The following KCTD20 variants were observed in gnomAD, a reference collection of about 807,000 sequenced individuals.
KCTD20 encodes BTB/POZ domain-containing protein KCTD20.
KCTD20 carries 30 observed loss-of-function variants against 39.6 expected under a neutral mutation model. The ratio of observed to expected loss-of-function variants is 0.76; its 90% CI spans 0.57 to 1.03. The LOEUF (loss-of-function observed/expected upper bound fraction) is 1.03, where lower values mean the gene tolerates loss of function less well. Among genes scored for constraint, KCTD20 ranks in the 50% least tolerant of loss-of-function variants. The pLI, the probability that KCTD20 is intolerant of heterozygous loss-of-function variation, is 0.00. For missense variants in KCTD20, 422 were observed against 522.0 expected (o/e 0.81, Z 1.87); for synonymous variants, 162 against 180.6 (o/e 0.90, Z 0.83).
rs1302255255 is a variant in KCTD20, at chr6:36,448,023, A to G, written c.-47+4912A>G. Among the ~76,000 whole-genome samples, 42 of 145,380 alleles carry G rather than the reference A, an allele frequency of 2.9e-4. 1 individual carries two copies. Among genetic ancestry groups the G allele is most frequent in the African/African-American group, 1.0e-3 (40 of 38,382 alleles). On this transcript the variant is annotated intron_variant, in intron 1 of 7. Coordinates refer to ENST00000373731, the MANE Select transcript of KCTD20 (RefSeq NM_173562.5). ...TATGTGTATGTGTGTGTGTATATAT[A>G]TATATATATATATATATTTGAAATA...
At chr6:36,471,291 C>T (rs566304554) in intron 2 of KCTD20, among the ~76,000 whole-genome samples, 1 of 152,214 alleles carries the variant, frequency 6.6e-6, no homozygotes, top group Admixed American at 6.5e-5. Flanking sequence ...TACCATTTAT[C>T]GAACATTCAC....
At chr6:36,453,554 G>C (rs1582308746) in intron 1 of KCTD20, among the ~76,000 whole-genome samples, 1 of 126,228 alleles carries the variant, frequency 7.9e-6, no homozygotes, top group Non-Finnish European at 1.6e-5. Flanking sequence ...TGCTCTTGTT[G>C]CCCAGGCTGA....
At chr6:36,473,622 A>T (rs1775976607) in intron 2 of KCTD20, among the ~76,000 whole-genome samples, 1 of 151,804 alleles carries the variant, frequency 6.6e-6, no homozygotes. Flanking sequence ...AAATACAAAA[A>T]ATTAGCCAGG....
intron 1 of KCTD20, among the ~76,000 whole-genome samples, chr6:36,465,291 C>T (rs1394996667): frequency 4.5e-5 from 6 of 133,412 alleles, no homozygotes; most frequent in East Asian, 2.2e-4. Flanking sequence ...GGTGAGATTC[C>T]GTCTCAAAAA....
intron 6 of KCTD20, among the ~76,000 whole-genome samples, chr6:36,483,490 G>T (rs1033858086): frequency 2.0e-5 from 3 of 152,000 alleles, no homozygotes; most frequent in Non-Finnish European, 2.9e-5. Context: ...GGGATTGCAG[G>T]CACCATGGCT....
chr6:36,447,194 C>A (rs955463984), intron 1 of KCTD20, among the ~76,000 whole-genome samples: 1 of 152,168 alleles, frequency 6.6e-6, no homozygotes, highest in African/African-American at 2.4e-5. Context: ...AGTACTTTAT[C>A]AGTTTCTGTC....
chr6:36,483,031 A>T (rs1180439509), intron 6 of KCTD20, among the ~76,000 whole-genome samples: 4 of 151,160 alleles, frequency 2.6e-5, no homozygotes, highest in Non-Finnish European at 5.9e-5. Context: ...AGGCAGGAGA[A>T]TCATTTGAAC....
chr6:36,449,935 C>T (rs906324271), intron 1 of KCTD20, among the ~76,000 whole-genome samples: 26 of 151,998 alleles, frequency 1.7e-4, no homozygotes, highest in Non-Finnish European at 3.2e-4. Context: ...GAGGCTGAGG[C>T]GGGCGGATCA....
At position 36,470,912 on chromosome 6, in the gene KCTD20, G is replaced by C. The variant is rs11962933; in HGVS notation, c.160+655G>C. Among the ~76,000 whole-genome samples the C allele has an allele frequency of 2.9e-3, 442 of 152,302 alleles. 2 individuals are homozygous for C. The highest frequency in any genetic ancestry group is 0.01 in the African/African-American group (423 of 41,570). On this transcript the variant is annotated intron_variant, in intron 2 of 7. Transcript: ENST00000373731. ...CGCCTATAATCCCAGCACTTTGGGA[G>C]GCCAAAGCAGGTGGATCACTTGAGG...
At chr6:36,465,125 G>A (rs567356502) in intron 1 of KCTD20, among the ~76,000 whole-genome samples, 133 of 152,070 alleles carry the variant, frequency 8.7e-4, no homozygotes, top group African/African-American at 3.1e-3. Context: ...ATGAAACCCC[G>A]TCTGCACTAA....
rs374156543 is a variant in KCTD20, at chr6:36,487,126, G to A, written c.1211G>A (p.Arg404Gln). ...CCACCCCAAGTGGATGAACTTGACCGGCTAAATGCCCCACTTTCTCAGATG... is the reference window on the plus strand; with the variant it reads ...CCACCCCAAGTGGATGAACTTGACCAGCTAAATGCCCCACTTTCTCAGATG... Reference protein sequence around the residue: ...HHPPQVDELDRLNAPLSQMAS... With the variant: ...HHPPQVDELDQLNAPLSQMAS... The change falls in exon 8 of 8, where the codon CGG becomes CAG. Residue 404 changes from arginine to glutamine, a missense_variant. Coordinates refer to ENST00000373731, the MANE Select transcript of KCTD20 (RefSeq NM_173562.5). The A allele has an allele frequency of 3.2e-5, 51 of 1,613,926 alleles. No individual in the cohort carries two copies. The highest frequency in any genetic ancestry group is 3.8e-5 in the Non-Finnish European group (45 of 1,179,940).
chr6:36,464,957 G>C (rs963918773), intron 1 of KCTD20, among the ~76,000 whole-genome samples: 4 of 152,048 alleles, frequency 2.6e-5, no homozygotes, highest in South Asian at 4.2e-4. Flanking sequence ...GTGGAGATAC[G>C]GTCCTAAGTA....
chr6:36,469,777 A>G lies in KCTD20; in HGVS notation c.-46-275A>G, dbSNP rs1775859041. Reference sequence around the variant, plus strand: ...TGTACCACCATTTAATGTAGAATTGATCAAGAATGTGACCAAAGTCAGTGA... The same window carrying G: ...TGTACCACCATTTAATGTAGAATTGGTCAAGAATGTGACCAAAGTCAGTGA... On this transcript the variant is annotated intron_variant, in intron 1 of 7. Transcript: ENST00000373731. The surrounding 1 kb of genome is among the most constrained non-coding windows in gnomAD (Gnocchi z 4.6). Among the ~76,000 whole-genome samples the G allele has an allele frequency of 6.6e-6, 1 of 152,230 alleles. No individual in the cohort carries two copies. Among genetic ancestry groups the G allele is most frequent in the Non-Finnish European group, 1.5e-5 (1 of 68,042 alleles).
At chr6:36,446,028 T>TTTTTTG (rs1554158248) in intron 1 of KCTD20, among the ~76,000 whole-genome samples, 10 of 146,696 alleles carry the variant, frequency 6.8e-5, no homozygotes, top group Admixed American at 1.4e-4. Context: ...AACTCAGTTT[T>TTTTTTG]TTTTTTTTTT....
At chr6:36,476,806 T>C (rs888665423) in intron 3 of KCTD20, among the ~76,000 whole-genome samples, 4 of 152,170 alleles carry the variant, frequency 2.6e-5, no homozygotes. Context: ...AAGTAGAACA[T>C]TAAAACATTT....
intron 1 of KCTD20, among the ~76,000 whole-genome samples, chr6:36,445,010 C>T (rs1360763041): frequency 2.0e-5 from 3 of 152,084 alleles, no homozygotes; most frequent in Non-Finnish European, 2.9e-5. Context: ...GCCTGTAATC[C>T]CAGCAATTTG....
At chr6:36,480,563 T>C (rs1007042110) in intron 5 of KCTD20, among the ~76,000 whole-genome samples, 3 of 151,848 alleles carry the variant, frequency 2.0e-5, no homozygotes, top group African/African-American at 7.3e-5. Context: ...TGGCTTATTA[T>C]TATTGTTTTG....
In KCTD20 at chr6:36,487,293, C is replaced by T. The variant is rs369836426; in HGVS notation, c.*118C>T. 9.8e-7 allele frequency: 1 copy of T among 1,023,398 alleles called. No homozygotes were observed. The highest frequency in any genetic ancestry group is 2.4e-5 in the East Asian group (1 of 41,786). 63.4% of individuals were successfully genotyped at this position (1,023,398 alleles called of 1,614,324 possible). A position where few individuals can be genotyped will look rare whatever the true frequency, so the allele number is the denominator to read the frequency against. ...AGACATGCTTCTCCCCTAACCTTTTCCTTTCTGCCATAATTAACATATGTC... is the reference window on the plus strand; with the variant it reads ...AGACATGCTTCTCCCCTAACCTTTTTCTTTCTGCCATAATTAACATATGTC... On this transcript the variant is annotated 3_prime_UTR_variant, in exon 8 of 8. Coordinates refer to ENST00000373731, the MANE Select transcript of KCTD20 (RefSeq NM_173562.5).
intron 2 of KCTD20, among the ~76,000 whole-genome samples, chr6:36,471,737 T>C (rs111347993): frequency 3.0e-4 from 46 of 152,316 alleles, no homozygotes; most frequent in African/African-American, 1.1e-3. Flanking sequence ...TTAAGCAGGA[T>C]AGAACCTGAG....
Sources: allele counts gnomAD v4.1 joint callset (sites outside exome capture counted in the v4.1 genomes callset), GRCh38; gene constraint gnomAD v4.1.1; non-coding constraint Gnocchi (gnomAD v3.1); transcripts MANE v1.5; gene names NCBI Gene and HGNC (gene_info 2026-07-23, HGNC 2026-07-21).